MICAL3: variants seen among roughly 807,000 people sequenced by gnomAD.
The protein encoded by MICAL3 is microtubule associated monooxygenase, calponin and LIM domain containing 3.
Under a neutral mutation model 207.4 loss-of-function variants are expected in MICAL3, and 62 were observed. The observed-to-expected ratio is 0.30, with a 90% CI of 0.24 to 0.37. The LOEUF (loss-of-function observed/expected upper bound fraction) is 0.37, where lower values mean the gene tolerates loss of function less well. MICAL3 is among the 10% of genes least tolerant of loss of function. MICAL3 has a pLI of 1.00. For missense variants in MICAL3, 2,368 were observed against 2,635.6 expected (o/e 0.90, Z 2.22); for synonymous variants, 1,077 against 1,069.3 (o/e 1.01, Z -0.14).
At chr22:17,872,053 GAGC>G (rs994938875) in intron 16 of MICAL3, 30 bp from the exon 17 acceptor site, 3 of 1,566,486 alleles carry the variant, frequency 1.9e-6, no homozygotes, top group Non-Finnish European at 2.6e-6. Flanking sequence ...GGAGGAAGGG[GAGC>G]ACCTCAGGGA....
intron 13 of MICAL3, among the ~76,000 whole-genome samples, chr22:17,888,345 C>T (rs1930107525): frequency 6.6e-6 from 1 of 152,134 alleles, no homozygotes; most frequent in African/African-American, 2.4e-5. Flanking sequence ...TTAATGACAA[C>T]AGGAATATTT....
At chr22:17,965,041 C>T (rs758576019) in intron 1 of MICAL3, among the ~76,000 whole-genome samples, 3 of 152,138 alleles carry the variant, frequency 2.0e-5, no homozygotes, top group African/African-American at 7.2e-5. Context: ...CCACTCCCTG[C>T]GGTAGGAAGT....
intron 10 of MICAL3, among the ~76,000 whole-genome samples, chr22:17,894,990 G>C (rs1930704771): frequency 6.6e-6 from 1 of 152,164 alleles, no homozygotes; most frequent in African/African-American, 2.4e-5. Context: ...TCCTCACTAA[G>C]GGGCAAGTGC....
rs142384288 is a variant in MICAL3, at chr22:17,964,834, C to T, written c.-74-57948G>A. Among the ~76,000 whole-genome samples, 59 of 152,334 alleles carry T rather than the reference C, an allele frequency of 3.9e-4. 2 individuals carry two copies. In the East Asian group the frequency reaches 9.2e-3, roughly 24 times the overall value. On this transcript the variant is annotated intron_variant, in intron 1 of 31. Transcript: ENST00000441493. ...AAAGCAAAACAAAAACCCCGAATTG[C>T]TCAGCTGGGACACTGGCTGGTTCAG...
intron 1 of MICAL3, among the ~76,000 whole-genome samples, chr22:17,971,185 AG>A (rs541281285): frequency 4.7e-5 from 7 of 149,486 alleles, no homozygotes; most frequent in Admixed American, 1.3e-4. Flanking sequence ...TCAGAAAAAA[AG>A]GGGGGGGCTG....
At position 17,841,808 on chromosome 22, in the gene MICAL3, C is replaced by T. The variant is rs1202785727; in HGVS notation, c.2801+14G>A. On this transcript the variant is annotated intron_variant, in intron 20 of 31. Coordinates refer to ENST00000441493, the MANE Select transcript of MICAL3 (RefSeq NM_015241.3). The surrounding 1 kb of genome is among the most constrained non-coding windows in gnomAD (Gnocchi z 4.2). ...CGTGTGGCGGGTGGGCGCCCTGCAG[C>T]CCTGCGTGCTGACCTGCTGGCGACG... 6.5e-7 allele frequency: 1 copy of T among 1,542,584 alleles called. No individual in the cohort carries two copies. Among genetic ancestry groups the T allele is most frequent in the Non-Finnish European group, 8.7e-7 (1 of 1,146,490 alleles).
chr22:17,808,996 A>G lies in MICAL3; in HGVS notation c.5557-59T>C, dbSNP rs542616374. 1.4e-4 allele frequency: 185 copies of G among 1,367,910 alleles called. No individual in the cohort carries two copies. In the African/African-American group the frequency reaches 2.4e-3, roughly 18 times the overall value. The allele number at this position is 1,367,910 out of a possible 1,614,324, so 84.7% of individuals were successfully genotyped here. ...CTCCAGCCCTGCTTCAGGAGGACAC[A>G]CAACTCCACACCCACACGAGGGGAA... On this transcript the variant is annotated intron_variant, in intron 28 of 31. Coordinates refer to ENST00000441493, the MANE Select transcript of MICAL3 (RefSeq NM_015241.3).
At chr22:17,972,072 T>G (rs747954608) in intron 1 of MICAL3, among the ~76,000 whole-genome samples, 3 of 152,222 alleles carry the variant, frequency 2.0e-5, no homozygotes, top group Non-Finnish European at 4.4e-5. Flanking sequence ...CCAAGCCCAG[T>G]GCGCTCCTCA....
At chr22:17,998,586 C>T (rs990172770) in intron 1 of MICAL3, among the ~76,000 whole-genome samples, 2 of 149,484 alleles carry the variant, frequency 1.3e-5, no homozygotes, top group Non-Finnish European at 3.0e-5. Flanking sequence ...GATGAAGTCT[C>T]GCTCTGTATC....
At chr22:17,792,200 T>G (rs1009013282) in intron 29 of MICAL3, among the ~76,000 whole-genome samples, 5 of 152,182 alleles carry the variant, frequency 3.3e-5, no homozygotes, top group Non-Finnish European at 7.4e-5. Flanking sequence ...GCACAGAAGT[T>G]CATGGCAAAA....
chr22:17,872,736 G>A (rs1927850587), intron 16 of MICAL3: 1 of 1,535,362 alleles, frequency 6.5e-7, no homozygotes, highest in Non-Finnish European at 9.0e-7. Flanking sequence ...GTGCCTGGAG[G>A]CGTCTCTTAC....
At chr22:17,927,364 C>A (rs1932971802) in intron 1 of MICAL3, among the ~76,000 whole-genome samples, 1 of 152,210 alleles carries the variant, frequency 6.6e-6, no homozygotes, top group African/African-American at 2.4e-5. Context: ...TACCTTCTGA[C>A]TACTGTGCAC....
At chr22:17,896,674 C>CCTAA (rs769584399) in intron 8 of MICAL3, 50 bp downstream of exon 8, 2 of 1,583,410 alleles carry the variant, frequency 1.3e-6, no homozygotes, top group East Asian at 4.5e-5. Flanking sequence ...CAGATTCACT[C>CCTAA]CTAATTATTC....
At chr22:17,936,875 A>C (rs1403599617) in intron 1 of MICAL3, among the ~76,000 whole-genome samples, 1 of 152,244 alleles carries the variant, frequency 6.6e-6, no homozygotes, top group Non-Finnish European at 1.5e-5. Flanking sequence ...TGTGCAGGAC[A>C]AGAGGGAACA....
At chr22:17,810,222 C>T (rs1009423306) in intron 28 of MICAL3, among the ~76,000 whole-genome samples, 28 of 152,054 alleles carry the variant, frequency 1.8e-4, no homozygotes, top group Non-Finnish European at 3.2e-4. Context: ...GCCACCACGC[C>T]TGGCTAATTT....
intron 1 of MICAL3, among the ~76,000 whole-genome samples, chr22:17,996,269 C>G (rs1922263337): frequency 1.3e-5 from 2 of 151,378 alleles, no homozygotes; most frequent in South Asian, 4.2e-4. Context: ...GAAACCTTGT[C>G]TCTACTAAAA....
chr22:17,829,820 C>T (rs1478836526), intron 21 of MICAL3, among the ~76,000 whole-genome samples: 1 of 152,192 alleles, frequency 6.6e-6, no homozygotes, highest in African/African-American at 2.4e-5. Flanking sequence ...GGGCCGCATT[C>T]CATGAGGCCA....
intron 19 of MICAL3, among the ~76,000 whole-genome samples, chr22:17,855,521 C>T (rs1925794735): frequency 6.6e-6 from 1 of 152,242 alleles, no homozygotes; most frequent in South Asian, 2.1e-4. Context: ...CTCCACATCA[C>T]TGGCAGGGCG....
At chr22:17,824,355 C>T (rs932890609) in intron 22 of MICAL3, among the ~76,000 whole-genome samples, 2 of 152,210 alleles carry the variant, frequency 1.3e-5, no homozygotes, top group East Asian at 1.9e-4. Context: ...GAACTGATGG[C>T]GCCCGGTTAG....
Sources: allele counts gnomAD v4.1 joint callset (sites outside exome capture counted in the v4.1 genomes callset), GRCh38; gene constraint gnomAD v4.1.1; non-coding constraint Gnocchi (gnomAD v3.1); transcripts MANE v1.5; gene names NCBI Gene and HGNC (gene_info 2026-07-23, HGNC 2026-07-21).